Variants in NOTCH1 observed in about 807,000 individuals in gnomAD.
NOTCH1 encodes the protein neurogenic locus notch homolog protein 1.
In NOTCH1, 37 loss-of-function variants were observed where a neutral mutation model predicts 254.8. The ratio of observed to expected loss-of-function variants is 0.15; its 90% confidence interval spans 0.11 to 0.19. The LOEUF (loss-of-function observed/expected upper bound fraction) is 0.19, where lower values mean the gene tolerates loss of function less well. Ranked by LOEUF, NOTCH1 falls within the 10% of genes least tolerant of loss-of-function variation. The probability of loss-of-function intolerance (pLI) is 1.00; values close to 1 mark genes in which losing one functional copy is unlikely to be tolerated. For missense variants in NOTCH1, 2,972 were observed against 3,708.6 expected, an observed-to-expected ratio of 0.80 and a Z score of 5.16; for synonymous variants, 1,731 against 1,618.1, an observed-to-expected ratio of 1.07 and a Z score of -1.68.
chr9:136,527,267 G>A (rs992717421), intron 2 of NOTCH1, among the ~76,000 whole-genome samples: 4 of 152,166 alleles, frequency 2.6e-5, no homozygotes, highest in Admixed American at 1.3e-4. Context: ...AAGGTGGGAG[G>A]GACCTCAGGC....
chr9:136,542,032 G>C (rs60129937), intron 2 of NOTCH1, among the ~76,000 whole-genome samples: 1 of 152,212 alleles, frequency 6.6e-6, no homozygotes, highest in Admixed American at 6.5e-5. Context: ...ACAGCTCACC[G>C]GGATCCCAGG....
At position 136,495,479 on chromosome 9, in the gene NOTCH1, A is replaced by T. The variant is rs1181223940; in HGVS notation, c.*592T>A. ...ACCCATATGCTTTCACTTGTTTCCT[A>T]TTTCAGATGCAAATTAATCCGCGTG... On this transcript the variant is annotated 3_prime_UTR_variant, in exon 34 of 34. Coordinates refer to ENST00000651671, the MANE Select transcript of NOTCH1 (RefSeq NM_017617.5). The T allele has an allele frequency of 5.0e-6, 2 of 399,454 alleles. No individual in the cohort carries two copies. The highest frequency in any genetic ancestry group is 4.1e-5 in the African/African-American group (2 of 48,752). The allele number at this position is 399,454 out of a possible 1,614,324, so 24.7% of individuals were successfully genotyped here. A position where few individuals can be genotyped will look rare whatever the true frequency, so the allele number is the denominator to read the frequency against.
intron 4 of NOTCH1, 92 bp downstream of exon 4, chr9:136,522,758 A>G (rs1224119343): frequency 5.6e-6 from 7 of 1,250,208 alleles, no homozygotes; most frequent in Non-Finnish European, 7.5e-6. Context: ...GGGCCCTCCC[A>G]GGGCTGCCCC....
intron 4 of NOTCH1, among the ~76,000 whole-genome samples, chr9:136,520,059 G>C (rs1843342276): frequency 6.6e-6 from 1 of 152,112 alleles, no homozygotes; most frequent in South Asian, 2.1e-4. Flanking sequence ...CCTCCCTGGG[G>C]CAGAGCTCTG....
chr9:136,530,406 G>GC (rs1843541242), intron 2 of NOTCH1, among the ~76,000 whole-genome samples: 1 of 152,240 alleles, frequency 6.6e-6, no homozygotes, highest in Non-Finnish European at 1.5e-5. Context: ...CTTTCCCGCA[G>GC]CCGGGAAAAC....
Position 136,497,668 on chromosome 9 carries a change from G to A in NOTCH1, c.6181-110C>T, listed in dbSNP as rs184760428. The A allele has an allele frequency of 2.7e-4, 240 of 897,212 alleles. 1 individual carries two copies. In the African/African-American group the frequency reaches 3.7e-3, roughly 14 times the overall value. 55.6% of individuals were successfully genotyped at this position (897,212 alleles called of 1,614,324 possible). A position where few individuals can be genotyped will look rare whatever the true frequency, so the allele number is the denominator to read the frequency against. On this transcript the variant is annotated intron_variant, in intron 33 of 33. Coordinates refer to ENST00000651671, the MANE Select transcript of NOTCH1 (RefSeq NM_017617.5). ...CAGTACAACCTCCTCCGCGGGGTGGGGGCAGGCAGGCTGCTCCTCAGGACC... is the reference window on the plus strand; with the variant it reads ...CAGTACAACCTCCTCCGCGGGGTGGAGGCAGGCAGGCTGCTCCTCAGGACC...
At chr9:136,523,513 G>A (rs1305071996) in intron 3 of NOTCH1, among the ~76,000 whole-genome samples, 3 of 152,232 alleles carry the variant, frequency 2.0e-5, no homozygotes, top group African/African-American at 4.8e-5. Context: ...CAGAAGCGGG[G>A]ACAGCAAGAG....
At chr9:136,503,061 C>T (rs773321834) in intron 27 of NOTCH1, 121 bp downstream of exon 27, 22 of 1,437,878 alleles carry the variant, frequency 1.5e-5, no homozygotes, top group Admixed American at 1.0e-4. Context: ...CCTACCCCAA[C>T]TCGGACGGCA....
At chr9:136,501,171 A>T (rs1842989151) in intron 30 of NOTCH1, among the ~76,000 whole-genome samples, 1 of 152,240 alleles carries the variant, frequency 6.6e-6, no homozygotes, top group Non-Finnish European at 1.5e-5. Flanking sequence ...GCGGAGGCTC[A>T]CGCTGTCATC....
intron 27 of NOTCH1, chr9:136,502,943 AGCAG>A: frequency 1.4e-6 from 1 of 694,160 alleles, no homozygotes; most frequent in Non-Finnish European, 2.6e-6. Context: ...TGGGGAGAGA[AGCAG>A]GCACCCACTT....
rs566772770 is a variant in NOTCH1, at chr9:136,540,813, C to T, written c.140+3211G>A. ...CCCATTTCTCCCAGCTCCTGGAAGA[C>T]GCCCCGTGCCATTCTGACTCTGCCG... On this transcript the variant is annotated intron_variant, in intron 2 of 33. Transcript: ENST00000651671. This position sits in a 1 kb window ranked among gnomAD's most constrained non-coding sequence, Gnocchi z 4.4. 7.9e-5 allele frequency among the ~76,000 whole-genome samples: 12 copies of T among 152,258 alleles called. No individual in the cohort carries two copies. The East Asian group carries it at 9.7e-4, about 12-fold the overall frequency.
At position 136,506,285 on chromosome 9, in the gene NOTCH1, C is replaced by A. The variant is rs1395457492; in HGVS notation, c.4014+242G>T. On this transcript the variant is annotated intron_variant, in intron 24 of 33. Coordinates refer to ENST00000651671, the MANE Select transcript of NOTCH1 (RefSeq NM_017617.5). This position sits in a 1 kb window ranked among gnomAD's most constrained non-coding sequence, Gnocchi z 4.5. ...AGTGAAATTGATGCAAGCTGCTAAC[C>A]AGGGGAACTGCGTGCAGGGGACAGC... Among the ~76,000 whole-genome samples, 3 of 152,070 alleles carry A rather than the reference C, an allele frequency of 2.0e-5. No individual in the cohort carries two copies. The highest frequency in any genetic ancestry group is 4.4e-5 in the Non-Finnish European group (3 of 68,006).
chr9:136,528,514 G>A (rs1424071026), intron 2 of NOTCH1, among the ~76,000 whole-genome samples: 8 of 148,846 alleles, frequency 5.4e-5, no homozygotes, highest in African/African-American at 1.2e-4. Flanking sequence ...CAGTGAGGGG[G>A]ATGGGCAGGG....
intron 33 of NOTCH1, 107 bp from the exon 34 acceptor site, chr9:136,497,665 T>C (rs1589053717): frequency 2.1e-6 from 2 of 931,524 alleles, no homozygotes; most frequent in South Asian, 3.4e-5. Flanking sequence ...CTCCGCGGGG[T>C]GGGGGCAGGC....
In NOTCH1 at chr9:136,511,181, A is replaced by C. The variant is rs1843175664; in HGVS notation, c.2558T>G (p.Phe853Cys). Residue 853 changes from phenylalanine to cysteine, a missense_variant, in exon 16 of 34, where the codon TTC becomes TGC. By Grantham distance (205) the Phe-to-Cys change is radical. Transcript: ENST00000651671. The part of the protein sequence containing the change: ...ECRQSEDYES[F>C]SCVCPTGWQG... ...CCAGCCCGTGGGGCAGACACAGGAGAAGCTCTCATAGTCCTCGGATTGCCT... is the reference window on the plus strand; with the variant it reads ...CCAGCCCGTGGGGCAGACACAGGAGCAGCTCTCATAGTCCTCGGATTGCCT... 1.2e-6 allele frequency: 2 copies of C among 1,612,664 alleles called. No homozygotes were observed. Among genetic ancestry groups the C allele is most frequent in the Non-Finnish European group, 1.7e-6 (2 of 1,179,880 alleles).
rs1589084065 is a variant in NOTCH1, at chr9:136,543,973, C to G, written c.140+51G>C. ...CTGTCCCCTGCGCGGCTGCAGAAGGCAGGGGCTCTGCCCTCGACAAAGCAA... is the reference window on the plus strand; with the variant it reads ...CTGTCCCCTGCGCGGCTGCAGAAGGGAGGGGCTCTGCCCTCGACAAAGCAA... On this transcript the variant is annotated intron_variant, in intron 2 of 33. Coordinates refer to ENST00000651671, the MANE Select transcript of NOTCH1 (RefSeq NM_017617.5). 1.1e-5 allele frequency: 17 copies of G among 1,505,862 alleles called. No homozygotes were observed. The East Asian group carries it at 4.2e-4, about 37-fold the overall frequency. The allele number at this position is 1,505,862 out of a possible 1,614,324, so 93.3% of individuals were successfully genotyped here.
chr9:136,508,043 T>C lies in NOTCH1; in HGVS notation c.3422A>G (p.Tyr1141Cys). The C allele has an allele frequency of 6.2e-7, 1 of 1,612,174 alleles. No homozygotes were observed. Among genetic ancestry groups the C allele is most frequent in the Non-Finnish European group, 8.5e-7 (1 of 1,180,004 alleles). The change falls in exon 21 of 34, where the codon TAC becomes TGC. Residue 1141 changes from tyrosine (Y) to cysteine (C), a missense_variant. Tyr to Cys is a radical substitution (Grantham distance 194). This residue lies in a region of NOTCH1 where 1,343 missense variants were observed against 1,557.0 expected (regional missense o/e 0.86). Transcript: ENST00000651671. ...GCACTCGTCCACCAGGTCCTCACAG[T>C]AGCTGCCTGTGTAGCCCGCCTGGCA... ...CRCQAGYTGS[Y>C]CEDLVDECSP...
At chr9:136,511,352 C>T (rs1843179329) in intron 15 of NOTCH1, 81 bp from the exon 16 acceptor site, 19 of 1,511,358 alleles carry the variant, frequency 1.3e-5, no homozygotes, top group Admixed American at 9.9e-5. Context: ...CTGGTCTTTC[C>T]GCCATCAGAG....
chr9:136,508,124 C>A lies in NOTCH1; in HGVS notation c.3341G>T (p.Arg1114Leu). 6.2e-7 allele frequency: 1 copy of A among 1,608,094 alleles called. No individual in the cohort carries two copies. Among genetic ancestry groups the A allele is most frequent in the Non-Finnish European group, 8.5e-7 (1 of 1,179,798 alleles). ...ACAGAGCCCTCCATGCTGGCACAGG[C>A]GGGCAACGTCAACACCTGCGGGGGA... is the stretch of plus-strand genomic sequence containing the variant. ...AAQRQGVDVA[R>L]LCQHGGLCVD... is the part of the protein sequence containing the mutation. Residue 1114 changes from arginine (R) to leucine (L), a missense_variant, in exon 21 of 34, where the codon CGC becomes CTC. Around this residue, in one of 8 missense-constraint regions of NOTCH1, gnomAD observed 1,343 missense variants for 1,557.0 expected, o/e 0.86. Transcript: ENST00000651671.
Sources: allele counts gnomAD v4.1 joint callset (sites outside exome capture counted in the v4.1 genomes callset), GRCh38; gene constraint gnomAD v4.1.1; regional missense constraint gnomAD v4.1.1; non-coding constraint Gnocchi (gnomAD v3.1); transcripts MANE v1.5; gene names NCBI Gene and HGNC (gene_info 2026-07-23, HGNC 2026-07-21).